Variants in PREX1 observed in about 807,000 individuals in gnomAD.
PREX1 encodes phosphatidylinositol 3,4,5-trisphosphate-dependent Rac exchanger 1 protein.
In PREX1, 41 loss-of-function variants were observed where a neutral mutation model predicts 198.3. The ratio of observed to expected loss-of-function variants is 0.21; its 90% CI spans 0.16 to 0.27. The LOEUF (loss-of-function observed/expected upper bound fraction) is 0.27. Among genes scored for constraint, PREX1 ranks in the 10% least tolerant of loss-of-function variants. The probability of loss-of-function intolerance (pLI) is 1.00; values close to 1 mark genes in which losing one functional copy is unlikely to be tolerated. For synonymous variants in PREX1, 843 were observed against 887.2 expected (o/e 0.95, Z 0.89); for missense variants, 1,620 against 2,200.7 (o/e 0.74, Z 5.28).
intron 3 of PREX1, among the ~76,000 whole-genome samples, chr20:48,744,559 C>T (rs1293482547): frequency 6.6e-6 from 1 of 152,206 alleles, no homozygotes; most frequent in Non-Finnish European, 1.5e-5. Flanking sequence ...AAGAGAGAGG[C>T]TATTGCAACA....
At chr20:48,867,870 CTT>C in the PREX1 span, among the ~76,000 whole-genome samples, 2,080 of 142,136 alleles carry the variant, frequency 0.015, 45 homozygotes, top group African/African-American at 0.048. Context: ...CCATCTTAAC[CTT>C]TTTTTTTTTT....
intron 2 of PREX1, among the ~76,000 whole-genome samples, chr20:48,746,863 A>G (rs920298926): frequency 7.9e-5 from 12 of 152,134 alleles, no homozygotes; most frequent in African/African-American, 2.9e-4. Flanking sequence ...TGGAATAAAC[A>G]GGAGGTGCTC....
intron 6 of PREX1, among the ~76,000 whole-genome samples, chr20:48,702,481 C>G (rs1452897036): frequency 1.2e-4 from 18 of 152,264 alleles, no homozygotes; most frequent in Non-Finnish European, 5.9e-5. Context: ...TGCCCAGCCA[C>G]AGACTACATC....
intron 1 of PREX1, among the ~76,000 whole-genome samples, chr20:48,798,410 C>G (rs150516820): frequency 5.8e-4 from 88 of 152,270 alleles, no homozygotes; most frequent in African/African-American, 2.0e-3. Flanking sequence ...TCCATCAGAC[C>G]ACTCTTCTGC....
intron 1 of PREX1, among the ~76,000 whole-genome samples, chr20:48,766,362 A>C (rs1015971211): frequency 6.6e-6 from 1 of 152,122 alleles, no homozygotes; most frequent in African/African-American, 2.4e-5. Flanking sequence ...CACAAAAGGC[A>C]AATGTGGTCA....
chr20:48,768,374 G>A (rs2090218631), intron 1 of PREX1, among the ~76,000 whole-genome samples: 1 of 152,158 alleles, frequency 6.6e-6, no homozygotes, highest in Non-Finnish European at 1.5e-5. Context: ...GCAGCAAACT[G>A]GACGCATCTC....
intron 11 of PREX1, 86 bp downstream of exon 11, chr20:48,681,149 G>C (rs1433178135): frequency 8.7e-7 from 1 of 1,147,148 alleles, no homozygotes; most frequent in Non-Finnish European, 1.3e-6. Context: ...AAGGATAGGA[G>C]CTGCCTGAGC....
At chr20:48,636,262 C>T (rs1261444179) in intron 32 of PREX1, among the ~76,000 whole-genome samples, 1 of 152,240 alleles carries the variant, frequency 6.6e-6, no homozygotes, top group Admixed American at 6.5e-5. Flanking sequence ...ACAGAAGATC[C>T]CTGGGTACAG....
At chr20:48,766,147 T>C (rs1485492926) in intron 1 of PREX1, among the ~76,000 whole-genome samples, 1 of 152,206 alleles carries the variant, frequency 6.6e-6, no homozygotes, top group Non-Finnish European at 1.5e-5. Context: ...AATTATTTCA[T>C]TATATGTTAC....
At chr20:48,692,631 G>A (rs2089825232) in intron 8 of PREX1, 41 bp downstream of exon 8, 1 of 1,479,602 alleles carries the variant, frequency 6.8e-7, no homozygotes, top group Admixed American at 1.7e-5. Flanking sequence ...GGAGCAGGCA[G>A]GGCTCAGGCA....
chr20:48,793,843 G>A (rs1356303591), intron 1 of PREX1, among the ~76,000 whole-genome samples: 2 of 152,174 alleles, frequency 1.3e-5, no homozygotes, highest in Non-Finnish European at 2.9e-5. Context: ...TGATTTTAAC[G>A]ACTCACAGTG....
At chr20:48,674,194 T>G (rs1010834885) in intron 14 of PREX1, among the ~76,000 whole-genome samples, 1 of 152,238 alleles carries the variant, frequency 6.6e-6, no homozygotes, top group Non-Finnish European at 1.5e-5. Context: ...TCCCATATCA[T>G]AGCAAACATA....
At chr20:48,839,389 C>T in the PREX1 span, among the ~76,000 whole-genome samples, 1 of 152,196 alleles carries the variant, frequency 6.6e-6, no homozygotes, top group East Asian at 1.9e-4. Context: ...ATCTGCCACA[C>T]ATTTGTTTGG....
intron 6 of PREX1, among the ~76,000 whole-genome samples, chr20:48,704,569 C>CT (rs796449471): frequency 1.7e-4 from 26 of 150,466 alleles, no homozygotes; most frequent in Admixed American, 2.7e-4. Flanking sequence ...CCCTCCCTCT[C>CT]TTTTTTTTTG....
chr20:48,632,556 G>T lies in PREX1; in HGVS notation c.4351C>A (p.Leu1451Met), dbSNP rs1238128781. The stretch of plus-strand genomic sequence containing the variant: ...GCCCCACCCTCCAGGCGGGAGGGCA[G>T]CTTGGAGAAGTGGTAGCTGTCGAGG... ...FYLDSYHFSK[L>M]PSRLEGGASL... The change falls in exon 34 of 40, where the codon CTG (leucine) becomes ATG (methionine). Residue 1451 changes from leucine (L) to methionine (M), a missense_variant. Around this residue, in one of 7 missense-constraint regions of PREX1, gnomAD observed 476 missense variants for 603.4 expected, o/e 0.79. Transcript: ENST00000371941. 2 of 1,613,916 alleles carry T rather than the reference G, an allele frequency of 1.2e-6. No homozygotes were observed. Among genetic ancestry groups the T allele is most frequent in the Admixed American group, 3.3e-5 (2 of 59,998 alleles).
chr20:48,746,876 C>T (rs6095278), intron 2 of PREX1, among the ~76,000 whole-genome samples: 10,700 of 149,948 alleles, frequency 0.071, 470 homozygotes, highest in South Asian at 0.18. Flanking sequence ...AGGTGCTCAG[C>T]CATATTTGCT....
chr20:48,873,696 G>T, the PREX1 span, among the ~76,000 whole-genome samples: 2 of 151,814 alleles, frequency 1.3e-5, no homozygotes, highest in Admixed American at 6.6e-5. Flanking sequence ...CTCTAGCCTG[G>T]ATGACAATAG....
chr20:48,640,310 G>T (rs1290773272), intron 29 of PREX1, among the ~76,000 whole-genome samples: 2 of 152,234 alleles, frequency 1.3e-5, no homozygotes, highest in African/African-American at 4.8e-5. Context: ...AGAGGAGGAA[G>T]CCCACACACA....
In PREX1 at chr20:48,637,795, G is replaced by A. The variant is rs113394762; in HGVS notation, c.3905-43C>T. On this transcript the variant is annotated intron_variant, in intron 30 of 39. Transcript: ENST00000371941. Reference sequence around the variant, plus strand: ...ACAGAAAGGGGGACGGGCTGGGAGGGGGCAGCAAGAGGTGAGGGCAGAACC... The same window carrying A: ...ACAGAAAGGGGGACGGGCTGGGAGGAGGCAGCAAGAGGTGAGGGCAGAACC... 4.2e-5 allele frequency: 66 copies of A among 1,565,552 alleles called. 1 individual carries two copies. In the African/African-American group the frequency reaches 4.9e-4, roughly 12 times the overall value.
Sources: gnomAD v4.1 joint callset for allele counts (sites outside exome capture counted in the v4.1 genomes callset) on GRCh38, gnomAD v4.1.1 for gene constraint, gnomAD v4.1.1 regional missense constraint, MANE v1.5 for transcripts, NCBI Gene and HGNC (gene_info 2026-07-23, HGNC 2026-07-21) for gene names.